The following SHANK2 variants were observed in gnomAD, a reference collection of about 807,000 sequenced individuals.
SHANK2 encodes the protein SH3 and multiple ankyrin repeat domains protein 2.
In SHANK2, 43 loss-of-function variants were observed where a neutral mutation model predicts 133.7. The observed-to-expected ratio is 0.32, with a 90% CI of 0.25 to 0.41. The LOEUF (loss-of-function observed/expected upper bound fraction) is 0.41, where lower values mean the gene tolerates loss of function less well. Ranked by LOEUF, SHANK2 falls within the 10% of genes least tolerant of loss-of-function variation. The probability of loss-of-function intolerance (pLI) is 1.00; values close to 1 mark genes in which losing one functional copy is unlikely to be tolerated. For missense variants in SHANK2, 1,994 were observed against 2,235.8 expected, an observed-to-expected ratio of 0.89 and a Z score of 2.18; for synonymous variants, 1,017 against 952.8, an observed-to-expected ratio of 1.07 and a Z score of -1.24.
At chr11:70,841,425 G>C (rs1236144762) in intron 11 of SHANK2, among the ~76,000 whole-genome samples, 1 of 152,200 alleles carries the variant, frequency 6.6e-6, no homozygotes, top group African/African-American at 2.4e-5. Context: ...TTACACAGCA[G>C]AGGAGTCCAA....
chr11:70,573,557 G>GGGGGGGGGT (rs1554983581), intron 17 of SHANK2, among the ~76,000 whole-genome samples: 1 of 132,020 alleles, frequency 7.6e-6, no homozygotes, highest in Non-Finnish European at 1.6e-5. Flanking sequence ...GGCGGGGGGG[G>GGGGGGGGGT]GGTGGGGCAT....
intron 17 of SHANK2, among the ~76,000 whole-genome samples, chr11:70,551,071 C>A (rs1284726519): frequency 6.6e-6 from 1 of 152,186 alleles, no homozygotes; most frequent in African/African-American, 2.4e-5. Flanking sequence ...CCCCTCCCAC[C>A]CCCTCCGAGA....
intron 11 of SHANK2, among the ~76,000 whole-genome samples, chr11:70,887,285 TG>T (rs1565384673): frequency 4.0e-5 from 1 of 24,948 alleles, no homozygotes; most frequent in African/African-American, 4.5e-5. Flanking sequence ...AAGGATTAAC[TG>T]TGGTATTCAC....
At chr11:71,115,287 T>C (rs555670219) in intron 4 of SHANK2, among the ~76,000 whole-genome samples, 3 of 151,992 alleles carry the variant, frequency 2.0e-5, no homozygotes, top group Non-Finnish European at 4.4e-5. Flanking sequence ...CTGGCCAACA[T>C]GGTGAAACCC....
At chr11:70,663,320 G>A (rs1212011496) in intron 15 of SHANK2, among the ~76,000 whole-genome samples, 14 of 152,288 alleles carry the variant, frequency 9.2e-5, no homozygotes, top group South Asian at 6.2e-4. Context: ...AGCCACCCCG[G>A]ATTGGGGGGC....
intron 17 of SHANK2, among the ~76,000 whole-genome samples, chr11:70,515,637 G>GAAAAAAAAAAAAA (rs58440823): frequency 2.5e-5 from 2 of 79,960 alleles, no homozygotes; most frequent in African/African-American, 1.1e-4. Flanking sequence ...CTCGTTCCTT[G>GAAAAAAAAAAAAA]AAAAAAAAAA....
At chr11:70,947,020 T>C (rs1355279984) in intron 10 of SHANK2, among the ~76,000 whole-genome samples, 2 of 151,958 alleles carry the variant, frequency 1.3e-5, no homozygotes, top group East Asian at 3.9e-4. Context: ...TAACCAACCC[T>C]TCCCAGGCTC....
At position 70,830,512 on chromosome 11, in the gene SHANK2, C is replaced by A. The variant is rs1346784458; in HGVS notation, c.1175-9830G>T. Among the ~76,000 whole-genome samples the A allele has an allele frequency of 6.6e-6, 1 of 152,190 alleles. No homozygotes were observed. Among genetic ancestry groups the A allele is most frequent in the Non-Finnish European group, 1.5e-5 (1 of 68,036 alleles). ...CAGAAACCTGCCACCGACCAGGTGACCTTGGAGAGCTGGGGAAGCAGAGGC... is the reference window on the plus strand; with the variant it reads ...CAGAAACCTGCCACCGACCAGGTGAACTTGGAGAGCTGGGGAAGCAGAGGC... On this transcript the variant is annotated intron_variant, in intron 11 of 25. Coordinates refer to ENST00000601538, the MANE Select transcript of SHANK2 (RefSeq NM_012309.5). The surrounding 1 kb of genome is among the most constrained non-coding windows in gnomAD (Gnocchi z 4.4).
rs1488225588 is a variant in SHANK2, at chr11:71,184,635, C to T, written c.-12-37297G>A. ...TGTGGCCAACTCTCCTCCTGATGAACTTGGTTATGTTTTTACTGACCCATG... is the reference window on the plus strand; with the variant it reads ...TGTGGCCAACTCTCCTCCTGATGAATTTGGTTATGTTTTTACTGACCCATG... On this transcript the variant is annotated intron_variant, in intron 2 of 25. Transcript: ENST00000601538. 3.9e-5 allele frequency among the ~76,000 whole-genome samples: 6 copies of T among 152,200 alleles called. 1 individual carries two copies. Among genetic ancestry groups the T allele is most frequent in the Admixed American group, 3.9e-4 (6 of 15,286 alleles).
chr11:71,108,960 C>T (rs782734247), intron 6 of SHANK2, among the ~76,000 whole-genome samples: 2 of 152,146 alleles, frequency 1.3e-5, no homozygotes, highest in Admixed American at 6.5e-5. Flanking sequence ...GTTCAGAGGT[C>T]GAGGGGGCTC....
chr11:70,501,513 C>A (rs1194776299), intron 20 of SHANK2, among the ~76,000 whole-genome samples: 1 of 152,218 alleles, frequency 6.6e-6, no homozygotes, highest in African/African-American at 2.4e-5. Context: ...AGCGTTTCCA[C>A]CTACATGCCA....
rs1565078823 is a variant in SHANK2 at position 70,504,327 on chromosome 11, A to ATACTGTTGACAGGCCCAGTGCCTGGCTCC, written c.2062-1397_2062-1396insGGAGCCAGGCACTGGGCCTGTCAACAGTA. The stretch of plus-strand genomic sequence containing the variant: ...GATAGAAGCAGGTACTGCCTGGCTC[A>ATACTGTTGACAGGCCCAGTGCCTGGCTCC]CCATACTGTTGACAGGCCCAGTGCC... On this transcript the variant is annotated intron_variant, in intron 17 of 25. Coordinates refer to ENST00000601538, the MANE Select transcript of SHANK2 (RefSeq NM_012309.5). Among the ~76,000 whole-genome samples the ATACTGTTGACAGGCCCAGTGCCTGGCTCC allele has an allele frequency of 2.9e-3, 396 of 136,638 alleles. 2 individuals carry two copies. The highest frequency in any genetic ancestry group is 9.2e-3 in the African/African-American group (366 of 39,808). The allele number at this position is 136,638 out of a possible 152,430, so 89.6% of individuals were successfully genotyped here.
chr11:70,942,110 C>G (rs1950656521), intron 10 of SHANK2, among the ~76,000 whole-genome samples: 1 of 151,980 alleles, frequency 6.6e-6, no homozygotes, highest in Non-Finnish European at 1.5e-5. Context: ...TTGTGTGAAC[C>G]CAGGAGGCGG....
At chr11:70,517,822 G>A (rs2059283827) in intron 17 of SHANK2, among the ~76,000 whole-genome samples, 1 of 152,174 alleles carries the variant, frequency 6.6e-6, no homozygotes, top group Non-Finnish European at 1.5e-5. Context: ...CCCACAGAAT[G>A]TACACCAAGA....
rs1353415135 is a variant in SHANK2, at chr11:70,568,672, CG to C, written c.2062-65742del. 2.1e-5 allele frequency among the ~76,000 whole-genome samples: 3 copies of C among 146,148 alleles called. No homozygotes were observed. In the East Asian group the frequency reaches 6.2e-4, roughly 30 times the overall value. On this transcript the variant is annotated intron_variant, in intron 17 of 25. Transcript: ENST00000601538. ...CCCCCCCCGCCCACTTCCTCCCGGC[CG>C]GGAGCTGTTCTTTTCAGCAAAGCCA...
intron 17 of SHANK2, among the ~76,000 whole-genome samples, chr11:70,581,939 C>T (rs542686420): frequency 8.5e-5 from 13 of 152,324 alleles, no homozygotes; most frequent in Admixed American, 8.5e-4. Context: ...CTTGGGCACA[C>T]GAGGGTTGGG....
chr11:70,797,585 G>A lies in SHANK2; in HGVS notation c.1777+858C>T, dbSNP rs117694917. On this transcript the variant is annotated intron_variant, in intron 14 of 25. Coordinates refer to ENST00000601538, the MANE Select transcript of SHANK2 (RefSeq NM_012309.5). ...CTGGCCCTGGCAGATCTGATCAGGC[G>A]GCAGAGGGCTACCTAGTGAGCCCAC... Among the ~76,000 whole-genome samples, 825 of 152,240 alleles carry A rather than the reference G, an allele frequency of 5.4e-3. 6 individuals are homozygous for A. Among genetic ancestry groups the A allele is most frequent in the Non-Finnish European group, 8.4e-3 (571 of 68,014 alleles).
At chr11:71,183,865 G>C (rs1203237547) in intron 2 of SHANK2, among the ~76,000 whole-genome samples, 1 of 152,206 alleles carries the variant, frequency 6.6e-6, no homozygotes, top group Non-Finnish European at 1.5e-5. Context: ...AGTTTATTGG[G>C]GAGAGGGAAG....
At chr11:71,098,341 A>C (rs1400648869) in intron 6 of SHANK2, among the ~76,000 whole-genome samples, 3 of 152,206 alleles carry the variant, frequency 2.0e-5, no homozygotes, top group Non-Finnish European at 4.4e-5. Context: ...TCCTAGGTGC[A>C]TCCTAGTGTC....
Sources: gnomAD v4.1 joint callset for allele counts (sites outside exome capture counted in the v4.1 genomes callset) on GRCh38, gnomAD v4.1.1 for gene constraint, Gnocchi (gnomAD v3.1) non-coding constraint, MANE v1.5 for transcripts, NCBI Gene and HGNC (gene_info 2026-07-23, HGNC 2026-07-21) for gene names.